PREX2: variants seen among roughly 807,000 people sequenced by gnomAD.
PREX2 encodes phosphatidylinositol-3,4,5-trisphosphate dependent Rac exchange factor 2.
A neutral mutation model predicts 203.2 loss-of-function variants in PREX2; 107 were observed. The ratio of observed to expected loss-of-function variants is 0.53; its 90% CI spans 0.45 to 0.62. The LOEUF (loss-of-function observed/expected upper bound fraction) is 0.62. Ranked by LOEUF, PREX2 falls within the 20% of genes least tolerant of loss-of-function variation. The pLI is 0.00. For synonymous variants in PREX2, 672 were observed against 663.6 expected (o/e 1.01, Z -0.19); for missense variants, 1,777 against 1,955.9 (o/e 0.91, Z 1.72).
At chr8:68,174,936 T>C (rs1416147650) in intron 35 of PREX2, among the ~76,000 whole-genome samples, 1 of 152,226 alleles carries the variant, frequency 6.6e-6, no homozygotes, top group East Asian at 1.9e-4. Context: ...AACAATATTG[T>C]GCACCTGTAT....
intron 30 of PREX2, among the ~76,000 whole-genome samples, chr8:68,126,918 A>G (rs369942476): frequency 2.2e-5 from 3 of 139,008 alleles, no homozygotes; most frequent in African/African-American, 9.9e-5. Context: ...GTGTGTGTGT[A>G]TATATATATA....
intron 11 of PREX2, among the ~76,000 whole-genome samples, chr8:68,065,755 G>GAAAATATTT (rs1334226033): frequency 1.3e-5 from 2 of 152,094 alleles, no homozygotes; most frequent in Non-Finnish European, 2.9e-5. Flanking sequence ...TCCCTGTAAA[G>GAAAATATTT]AAAATATTTA....
intron 34 of PREX2, among the ~76,000 whole-genome samples, chr8:68,153,420 G>A (rs1389258055): frequency 6.6e-6 from 1 of 152,048 alleles, no homozygotes; most frequent in African/African-American, 2.4e-5. Flanking sequence ...CATTCATTAG[G>A]TTTTCCTTTT....
intron 13 of PREX2, among the ~76,000 whole-genome samples, chr8:68,070,900 C>A (rs539783102): frequency 2.0e-3 from 303 of 152,194 alleles, no homozygotes; most frequent in Non-Finnish European, 3.4e-3. Context: ...TATTTACTTT[C>A]ACAAGTAGAC....
chr8:68,055,775 A>G (rs1436377811), intron 9 of PREX2, 55 bp from the exon 10 acceptor site: 5 of 1,505,672 alleles, frequency 3.3e-6, no homozygotes, highest in South Asian at 1.2e-5. Context: ...GCCATAACTG[A>G]ATGAATGAAT....
chr8:68,063,128 C>T (rs1438653839), intron 11 of PREX2, among the ~76,000 whole-genome samples: 1 of 152,122 alleles, frequency 6.6e-6, no homozygotes, highest in Non-Finnish European at 1.5e-5. Flanking sequence ...GTAAAAATAA[C>T]ATTATGACTA....
At chr8:68,060,863 T>C (rs1213658176) in intron 11 of PREX2, 84 bp downstream of exon 11, 3 of 868,020 alleles carry the variant, frequency 3.5e-6, no homozygotes, top group African/African-American at 3.4e-5. Context: ...TAGTTTACAA[T>C]TCCCCACATT....
intron 37 of PREX2, among the ~76,000 whole-genome samples, chr8:68,213,153 C>T (rs904309514): frequency 3.3e-5 from 5 of 152,174 alleles, no homozygotes; most frequent in Admixed American, 2.6e-4. Flanking sequence ...CCAATAAATA[C>T]ATCCCAGCAA....
chr8:68,085,700 T>A (rs1333762859), intron 18 of PREX2, among the ~76,000 whole-genome samples: 3 of 152,182 alleles, frequency 2.0e-5, no homozygotes, highest in African/African-American at 7.2e-5. Flanking sequence ...TTTCTAAAGA[T>A]CATTTTACTA....
At chr8:68,003,958 C>T (rs928215531) in intron 1 of PREX2, among the ~76,000 whole-genome samples, 2 of 150,926 alleles carry the variant, frequency 1.3e-5, no homozygotes, top group Admixed American at 6.6e-5. Flanking sequence ...CAGCGATTCT[C>T]CTGCCTCAGC....
rs1187283163 is a variant in PREX2, at chr8:68,227,558, G to A, written c.4775+2932G>A. ...TGGCACTATAGTCCTATGAGTCTTC[G>A]ATATTTAGGAGGTAGGTGAAGACAC... is the stretch of plus-strand genomic sequence containing the variant. On this transcript the variant is annotated intron_variant, in intron 39 of 39. Coordinates refer to ENST00000288368, the MANE Select transcript of PREX2 (RefSeq NM_024870.4). 2.6e-5 allele frequency among the ~76,000 whole-genome samples: 4 copies of A among 152,276 alleles called. 1 individual carries two copies. The highest frequency in any genetic ancestry group is 3.9e-4 in the East Asian group (2 of 5,168).
chr8:68,015,024 T>C (rs1399942611), intron 1 of PREX2, among the ~76,000 whole-genome samples: 3 of 152,222 alleles, frequency 2.0e-5, no homozygotes, highest in African/African-American at 4.8e-5. Flanking sequence ...AGATGAAGAT[T>C]ATCTGATTCT....
At chr8:68,196,133 G>C (rs896179579) in intron 37 of PREX2, among the ~76,000 whole-genome samples, 4 of 151,896 alleles carry the variant, frequency 2.6e-5, no homozygotes, top group Admixed American at 6.6e-5. Flanking sequence ...TCTCCTGAGG[G>C]ACTTCCTTGT....
chr8:68,218,275 C>G (rs1016285684), intron 38 of PREX2, among the ~76,000 whole-genome samples: 2 of 152,130 alleles, frequency 1.3e-5, no homozygotes, highest in Non-Finnish European at 2.9e-5. Flanking sequence ...AGAATATACT[C>G]TCTTATAAAT....
intron 22 of PREX2, among the ~76,000 whole-genome samples, chr8:68,098,772 A>T (rs1810164180): frequency 6.6e-6 from 1 of 151,770 alleles, no homozygotes; most frequent in African/African-American, 2.4e-5. Flanking sequence ...TTAAATAAAA[A>T]CTCATACTCC....
At chr8:68,165,200 A>G (rs1233078052) in intron 35 of PREX2, among the ~76,000 whole-genome samples, 2 of 152,266 alleles carry the variant, frequency 1.3e-5, no homozygotes, top group South Asian at 2.1e-4. Flanking sequence ...GCATTTCAAC[A>G]TCAGCATCAA....
intron 1 of PREX2, among the ~76,000 whole-genome samples, chr8:67,955,107 G>A (rs117269908): frequency 0.013 from 1,660 of 129,840 alleles, 6 homozygotes; most frequent in Middle Eastern, 0.049. Flanking sequence ...TAATGCCACT[G>A]CACTCCAGCC....
rs543516214 is a variant in PREX2 at position 68,113,142 on chromosome 8, A to G, written c.3147-2611A>G. Among the ~76,000 whole-genome samples, 4 of 152,352 alleles carry G rather than the reference A, an allele frequency of 2.6e-5. No homozygotes were observed. In the South Asian group the frequency reaches 8.3e-4, roughly 32 times the overall value. On this transcript the variant is annotated intron_variant, in intron 25 of 39. Transcript: ENST00000288368. ...GATGCCTTGTTGCTTTTCAGAATCT[A>G]GAAATTTTATGCAAAACATGGTGTT... is the stretch of plus-strand genomic sequence containing the variant.
chr8:67,997,409 A>C (rs1378210332), intron 1 of PREX2, among the ~76,000 whole-genome samples: 1 of 152,214 alleles, frequency 6.6e-6, no homozygotes, highest in Non-Finnish European at 1.5e-5. Context: ...GTACAGTAGG[A>C]GACTAATAAC....
Sources: gnomAD v4.1 joint callset for allele counts (sites outside exome capture counted in the v4.1 genomes callset) on GRCh38, gnomAD v4.1.1 for gene constraint, MANE v1.5 for transcripts, NCBI Gene and HGNC (gene_info 2026-07-23, HGNC 2026-07-21) for gene names.